PTGER3: variants seen among roughly 807,000 people sequenced by gnomAD.
The protein encoded by PTGER3 is prostaglandin E2 receptor EP3 subtype.
A neutral mutation model predicts 34.7 loss-of-function variants in PTGER3; 22 were observed. That is an observed-to-expected ratio of 0.63 (90% CI 0.45 to 0.91). The LOEUF is 0.91. Among genes scored for constraint, PTGER3 ranks in the 40% least tolerant of loss-of-function variants. The probability of loss-of-function intolerance (pLI) is 0.00; values close to 1 mark genes in which losing one functional copy is unlikely to be tolerated. For missense variants in PTGER3, 468 were observed against 519.4 expected, an observed-to-expected ratio of 0.90 and a Z score of 0.96; for synonymous variants, 241 against 230.1, an observed-to-expected ratio of 1.05 and a Z score of -0.43.
intron 3 of PTGER3, among the ~76,000 whole-genome samples, chr1:70,972,824 A>G (rs979200272): frequency 7.8e-4 from 118 of 152,168 alleles, no homozygotes; most frequent in Non-Finnish European, 6.2e-4. Context: ...AAACTGCAGG[A>G]AAAAAAGAAT....
intron 2 of PTGER3, among the ~76,000 whole-genome samples, chr1:70,984,612 A>G (rs1030786288): frequency 6.6e-6 from 1 of 151,968 alleles, no homozygotes; most frequent in Non-Finnish European, 1.5e-5. Flanking sequence ...CCAGCTACTC[A>G]GGAGGCTGAG....
chr1:71,032,194 T>A (rs537825831), intron 1 of PTGER3, among the ~76,000 whole-genome samples: 2 of 152,336 alleles, frequency 1.3e-5, no homozygotes, highest in South Asian at 2.1e-4. Flanking sequence ...ACTATGGTGT[T>A]AATGGAGTAT....
intron 2 of PTGER3, among the ~76,000 whole-genome samples, chr1:70,996,916 C>A (rs1016331716): frequency 6.6e-6 from 1 of 152,176 alleles, no homozygotes; most frequent in African/African-American, 2.4e-5. Flanking sequence ...CCCGCCTTGG[C>A]CTCCAAAAGT....
At chr1:70,932,594 C>CA (rs989264296) in intron 4 of PTGER3, among the ~76,000 whole-genome samples, 1 of 152,102 alleles carries the variant, frequency 6.6e-6, no homozygotes, top group African/African-American at 2.4e-5. Context: ...GATGAGAAAG[C>CA]AAAAACCCCT....
chr1:70,891,046 G>T (rs1253960574), intron 4 of PTGER3, among the ~76,000 whole-genome samples: 1 of 152,196 alleles, frequency 6.6e-6, no homozygotes, highest in African/African-American at 2.4e-5. Context: ...CTCAGCTTCA[G>T]CTTCTCCAGG....
intron 3 of PTGER3, 38 bp from the exon 4 acceptor site, chr1:70,971,771 A>G: frequency 1.4e-6 from 2 of 1,403,454 alleles, no homozygotes; most frequent in Non-Finnish European, 2.0e-6. Flanking sequence ...ATAAGCATGG[A>G]TGGGGATTAT....
rs1203316808 is a variant in PTGER3 at position 70,862,168 on chromosome 1, C to T, written c.*24-9309G>A. 9.8e-6 allele frequency: 4 copies of T among 406,762 alleles called. No homozygotes were observed. In the Admixed American group the frequency reaches 1.4e-4, roughly 14 times the overall value. 25.2% of individuals were successfully genotyped at this position (406,762 alleles called of 1,614,324 possible). ...CCTGAAATATTGGAATTTCAGGGAA[C>T]CAAAATTAGCACCTCTTTTTTTCAC... is the stretch of plus-strand genomic sequence containing the variant. On this transcript the variant is annotated intron_variant, in intron 4 of 4. Transcript: ENST00000370931.
intron 2 of PTGER3, chr1:71,009,886 A>G (rs1386224734): frequency 2.0e-6 from 2 of 985,102 alleles, no homozygotes; most frequent in East Asian, 2.3e-4. Flanking sequence ...GTCTCTGTAC[A>G]TCTCTGAAAT....
At chr1:70,912,169 T>C (rs1647075604) in intron 4 of PTGER3, among the ~76,000 whole-genome samples, 1 of 152,080 alleles carries the variant, frequency 6.6e-6, no homozygotes, top group African/African-American at 2.4e-5. Flanking sequence ...GTTACAAAAT[T>C]ATGTGAAATT....
intron 4 of PTGER3, among the ~76,000 whole-genome samples, chr1:70,873,621 T>C (rs1456060249): frequency 1.1e-4 from 16 of 151,626 alleles, no homozygotes; most frequent in Non-Finnish European, 2.2e-4. Context: ...GTTACATGAG[T>C]AAGTTCTTTA....
chr1:70,894,592 C>T (rs1009811557), intron 4 of PTGER3, among the ~76,000 whole-genome samples: 12 of 152,054 alleles, frequency 7.9e-5, no homozygotes, highest in Non-Finnish European at 1.0e-4. Context: ...TTATTGAACT[C>T]CTGGAAGAAA....
intron 4 of PTGER3, among the ~76,000 whole-genome samples, chr1:70,921,051 C>A (rs1324276784): frequency 6.6e-6 from 1 of 152,142 alleles, no homozygotes; most frequent in East Asian, 1.9e-4. Flanking sequence ...CACATATCAT[C>A]ATTTACATTA....
intron 2 of PTGER3, chr1:71,006,550 C>T (rs115562998): frequency 1.0e-6 from 1 of 983,170 alleles, no homozygotes; most frequent in East Asian, 1.1e-4. Flanking sequence ...ACTAAGCTTA[C>T]AATAATTTAT....
At chr1:70,868,161 G>A (rs901751360) in intron 4 of PTGER3, among the ~76,000 whole-genome samples, 2 of 151,810 alleles carry the variant, frequency 1.3e-5, no homozygotes, top group Admixed American at 6.6e-5. Context: ...ACCCAGTCCC[G>A]TTTTTCCTAT....
intron 4 of PTGER3, among the ~76,000 whole-genome samples, chr1:70,864,878 C>T (rs1646007176): frequency 6.6e-6 from 1 of 152,160 alleles, no homozygotes; most frequent in Admixed American, 6.5e-5. Flanking sequence ...GATTTGGTTG[C>T]TTTTTCCTAA....
chr1:70,861,726 G>T (rs1364943123), intron 4 of PTGER3, among the ~76,000 whole-genome samples: 1 of 151,796 alleles, frequency 6.6e-6, no homozygotes, highest in African/African-American at 2.4e-5. Context: ...AAACTTCTCT[G>T]TATGGTATCT....
In PTGER3 at chr1:70,900,889, C is replaced by A. The variant is rs537677101; in HGVS notation, c.*24-48030G>T. ...GCAGTGAGGGTCGGGACTTGATTGTCCTGCTATTTGATTATTTATTGCAAG... is the reference window on the plus strand; with the variant it reads ...GCAGTGAGGGTCGGGACTTGATTGTACTGCTATTTGATTATTTATTGCAAG... On this transcript the variant is annotated intron_variant, in intron 4 of 4. Coordinates refer to the PTGER3 transcript ENST00000370931. 6.7e-5 allele frequency among the ~76,000 whole-genome samples: 10 copies of A among 148,508 alleles called. No homozygotes were observed. The South Asian group carries it at 1.6e-3, about 24-fold the overall frequency.
At chr1:70,954,081 C>T (rs944326713) in intron 2 of PTGER3, among the ~76,000 whole-genome samples, 2 of 152,070 alleles carry the variant, frequency 1.3e-5, no homozygotes, top group Admixed American at 1.3e-4. Flanking sequence ...TTCCCTGTCC[C>T]GTCCCCACTC....
intron 1 of PTGER3, among the ~76,000 whole-genome samples, chr1:71,039,079 C>T (rs1660066276): frequency 6.6e-6 from 1 of 152,192 alleles, no homozygotes; most frequent in Non-Finnish European, 1.5e-5. Flanking sequence ...ACATTTAACT[C>T]CAACACAGAG....
Sources: gnomAD v4.1 joint callset for allele counts (sites outside exome capture counted in the v4.1 genomes callset) on GRCh38, gnomAD v4.1.1 for gene constraint, MANE v1.5 for transcripts, NCBI Gene and HGNC (gene_info 2026-07-23, HGNC 2026-07-21) for gene names.